Variants in SLC13A1 observed in about 807,000 individuals in gnomAD.
SLC13A1 encodes the protein solute carrier family 13 member 1, also known as Na(+)/sulfate cotransporter.
In SLC13A1, 65 loss-of-function variants were observed where a neutral mutation model predicts 70.0. The observed-to-expected ratio is 0.93, with a 90% CI of 0.76 to 1.14. SLC13A1 has a LOEUF of 1.14. SLC13A1 is among the 50% of genes most tolerant of loss of function. The probability of loss-of-function intolerance (pLI) is 0.00; values close to 1 mark genes in which losing one functional copy is unlikely to be tolerated. For synonymous variants in SLC13A1, 275 were observed against 250.5 expected (o/e 1.10, Z -0.92); for missense variants, 726 against 717.8 (o/e 1.01, Z -0.13).
intron 1 of SLC13A1, chr7:123,190,457 C>A (rs1222718572): frequency 4.8e-6 from 2 of 413,876 alleles, no homozygotes; most frequent in South Asian, 1.8e-5. Flanking sequence ...TGGTAACTCA[C>A]CTGGGCTGAG....
At chr7:123,190,623 A>C (rs1390185110) in intron 1 of SLC13A1, 2 of 456,730 alleles carry the variant, frequency 4.4e-6, no homozygotes, top group East Asian at 1.4e-4. Context: ...GCTGTTGAGC[A>C]TTAGAATAAG....
intron 2 of SLC13A1, among the ~76,000 whole-genome samples, chr7:123,177,117 C>G (rs1795473189): frequency 1.3e-5 from 2 of 152,032 alleles, no homozygotes; most frequent in Admixed American, 1.3e-4. Flanking sequence ...AAGTGTCAGC[C>G]CCTTTCCTAG....
chr7:123,120,822 G>A (rs1366864400), intron 12 of SLC13A1, among the ~76,000 whole-genome samples: 1 of 151,940 alleles, frequency 6.6e-6, no homozygotes, highest in Non-Finnish European at 1.5e-5. Context: ...TTTAAGAATA[G>A]GTTTTATCTA....
intron 1 of SLC13A1, 114 bp downstream of exon 1, chr7:123,199,734 G>A (rs1796292308): frequency 1.4e-6 from 1 of 718,042 alleles, no homozygotes; most frequent in African/African-American, 1.8e-5. Context: ...CTTTAGGTAT[G>A]AAGGGTCAAC....
At chr7:123,171,660 CTG>C in intron 3 of SLC13A1, 106 bp downstream of exon 3, 1 of 1,120,050 alleles carries the variant, frequency 8.9e-7, no homozygotes, top group African/African-American at 1.6e-5. Flanking sequence ...ATAAGTCAGA[CTG>C]TGATACAAAG....
At chr7:123,173,307 G>A (rs1795334356) in intron 2 of SLC13A1, among the ~76,000 whole-genome samples, 1 of 152,040 alleles carries the variant, frequency 6.6e-6, no homozygotes, top group Non-Finnish European at 1.5e-5. Flanking sequence ...ATTAAAAGTA[G>A]GCAAGTGGAC....
intron 9 of SLC13A1, 47 bp from the exon 10 acceptor site, chr7:123,128,993 A>G (rs751162973): frequency 2.3e-6 from 3 of 1,284,782 alleles, no homozygotes; most frequent in Non-Finnish European, 3.4e-6. Context: ...CTCAGTCGGG[A>G]CATTTGTAGA....
intron 6 of SLC13A1, among the ~76,000 whole-genome samples, chr7:123,163,849 A>C (rs1036657350): frequency 2.0e-5 from 3 of 152,032 alleles, no homozygotes; most frequent in Admixed American, 6.6e-5. Context: ...GTTTATATAC[A>C]ACATGAGTTA....
intron 6 of SLC13A1, among the ~76,000 whole-genome samples, chr7:123,157,439 C>T (rs1440502925): frequency 6.6e-6 from 1 of 151,838 alleles, no homozygotes; most frequent in African/African-American, 2.4e-5. Context: ...GACATGAGGC[C>T]TCTTTATAAA....
chr7:123,138,598 G>A (rs1794031120), intron 7 of SLC13A1, among the ~76,000 whole-genome samples: 1 of 151,944 alleles, frequency 6.6e-6, no homozygotes. Flanking sequence ...CCTGTCTTTT[G>A]GATAAAAGCC....
chr7:123,153,397 G>T (rs1220482419), intron 6 of SLC13A1, among the ~76,000 whole-genome samples: 1 of 152,072 alleles, frequency 6.6e-6, no homozygotes, highest in Non-Finnish European at 1.5e-5. Context: ...TTAAGAGGAG[G>T]AGTTTTTGAA....
At chr7:123,140,570 T>C (rs1794101468) in intron 7 of SLC13A1, among the ~76,000 whole-genome samples, 1 of 152,130 alleles carries the variant, frequency 6.6e-6, no homozygotes, top group African/African-American at 2.4e-5. Context: ...TTTTCTTTAC[T>C]GGAAGAATTT....
intron 3 of SLC13A1, among the ~76,000 whole-genome samples, chr7:123,171,102 T>G (rs1357051419): frequency 6.6e-6 from 1 of 152,198 alleles, no homozygotes; most frequent in African/African-American, 2.4e-5. Context: ...ATCTAAGGCT[T>G]TAACGCAAAA....
At chr7:123,199,555 A>G (rs367757718) in intron 1 of SLC13A1, among the ~76,000 whole-genome samples, 3 of 152,046 alleles carry the variant, frequency 2.0e-5, no homozygotes, top group African/African-American at 4.8e-5. Context: ...TTGAACTGCA[A>G]AATCTCAAAG....
intron 2 of SLC13A1, among the ~76,000 whole-genome samples, chr7:123,178,622 G>A (rs1245943318): frequency 6.6e-6 from 1 of 152,028 alleles, no homozygotes; most frequent in Non-Finnish European, 1.5e-5. Flanking sequence ...TTAAGCTCAG[G>A]TCTTATGACT....
Position 123,128,900 on chromosome 7 carries a change from G to A in SLC13A1, c.1078C>T (p.Leu360=), listed in dbSNP as rs1793656998. 3 of 1,613,434 alleles carry A rather than the reference G, an allele frequency of 1.9e-6. No homozygotes were observed. The highest frequency in any genetic ancestry group is 2.7e-5 in the African/African-American group (2 of 74,880). ...AATCCGGGGTCTCGACTAAACCATA[G>A]CAGAGCCATTATAATGAAGAGGACC... ...TLVLFIIMAL[L]WFSRDPGFVP... is the part of the protein sequence containing the mutation. Residue 360 remains leucine (L), a synonymous_variant, in exon 10 of 15, where the codon CTA becomes TTA. Transcript: ENST00000194130.
chr7:123,199,621 A>G (rs1023605545), intron 1 of SLC13A1, among the ~76,000 whole-genome samples: 2 of 152,024 alleles, frequency 1.3e-5, no homozygotes, highest in African/African-American at 2.4e-5. Flanking sequence ...AACAATTCTG[A>G]TTGAATATTC....
At chr7:123,156,673 AT>A (rs545270583) in intron 6 of SLC13A1, among the ~76,000 whole-genome samples, 7 of 152,174 alleles carry the variant, frequency 4.6e-5, no homozygotes, top group Middle Eastern at 3.4e-3. Flanking sequence ...CTGTAAAGAA[AT>A]TTTTTTTATA....
chr7:123,166,571 T>A (rs1025669479), intron 6 of SLC13A1, among the ~76,000 whole-genome samples: 5 of 152,082 alleles, frequency 3.3e-5, no homozygotes, highest in Admixed American at 2.0e-4. Context: ...CAGGCCCCAG[T>A]GTGTGACGTT....
Sources: gnomAD v4.1 joint callset for allele counts (sites outside exome capture counted in the v4.1 genomes callset) on GRCh38, gnomAD v4.1.1 for gene constraint, MANE v1.5 for transcripts, NCBI Gene and HGNC (gene_info 2026-07-23, HGNC 2026-07-21) for gene names.